BMPER: variants seen among roughly 807,000 people sequenced by gnomAD.
The protein encoded by BMPER is BMP-binding endothelial regulator protein.
In BMPER, 45 loss-of-function variants were observed where a neutral mutation model predicts 87.3. The observed-to-expected ratio is 0.52, with a 90% CI of 0.41 to 0.66. BMPER has a LOEUF of 0.66. Among genes scored for constraint, BMPER ranks in the 30% least tolerant of loss-of-function variants. BMPER has a pLI of 0.00. For missense variants in BMPER, 784 were observed against 867.5 expected, an observed-to-expected ratio of 0.90 and a Z score of 1.21; for synonymous variants, 326 against 316.2, an observed-to-expected ratio of 1.03 and a Z score of -0.33.
chr7:34,046,562 T>C (rs1460520994), intron 7 of BMPER, among the ~76,000 whole-genome samples, 157 bp downstream of exon 7: 1 of 152,188 alleles, frequency 6.6e-6, no homozygotes, highest in East Asian at 1.9e-4. Context: ...GTGGAAGGTG[T>C]GTACAGGGTT....
intron 12 of BMPER, among the ~76,000 whole-genome samples, chr7:34,081,924 TAAC>T (rs1237088309): frequency 6.6e-6 from 1 of 152,006 alleles, no homozygotes; most frequent in Admixed American, 6.6e-5. Context: ...AAAGCAACAA[TAAC>T]AACCAGGAAA....
intron 13 of BMPER, among the ~76,000 whole-genome samples, chr7:34,111,365 T>C (rs1201825668): frequency 6.6e-6 from 1 of 152,226 alleles, no homozygotes. Context: ...TACCTTTTCA[T>C]GAATATGGTT....
intron 2 of BMPER, among the ~76,000 whole-genome samples, chr7:33,930,525 A>G (rs896062400): frequency 6.6e-6 from 1 of 152,208 alleles, no homozygotes; most frequent in Non-Finnish European, 1.5e-5. Context: ...TGGAGCAGGT[A>G]TAAGCTTGCA....
intron 3 of BMPER, among the ~76,000 whole-genome samples, chr7:33,941,078 TATTTATATATA>T (rs1784750002): frequency 7.3e-6 from 1 of 136,570 alleles, no homozygotes; most frequent in Non-Finnish European, 1.5e-5. Context: ...ATAATTTATA[TATTTATATATA>T]ATTTATATGT....
chr7:34,051,806 A>G, intron 7 of BMPER, 55 bp from the exon 8 acceptor site: 1 of 1,448,854 alleles, frequency 6.9e-7, no homozygotes, highest in Non-Finnish European at 9.7e-7. Context: ...ACCGATGACA[A>G]AATGGGACAT....
intron 2 of BMPER, among the ~76,000 whole-genome samples, chr7:33,923,795 T>C (rs1001580145): frequency 1.3e-5 from 2 of 152,222 alleles, no homozygotes; most frequent in Non-Finnish European, 2.9e-5. Context: ...TTATAAGCAT[T>C]ATGTTTTATT....
At chr7:34,053,266 T>C (rs1057159238) in intron 8 of BMPER, among the ~76,000 whole-genome samples, 2 of 152,228 alleles carry the variant, frequency 1.3e-5, no homozygotes, top group East Asian at 1.9e-4. Flanking sequence ...GGATATTAAA[T>C]GCTTGAAAAA....
intron 2 of BMPER, among the ~76,000 whole-genome samples, chr7:33,926,096 G>A (rs949100527): frequency 6.6e-6 from 1 of 152,174 alleles, no homozygotes; most frequent in Non-Finnish European, 1.5e-5. Context: ...CTCTTGGATT[G>A]TAAGCTCTTC....
At chr7:34,074,690 G>C (rs973918617) in intron 11 of BMPER, among the ~76,000 whole-genome samples, 2 of 152,222 alleles carry the variant, frequency 1.3e-5, no homozygotes, top group Admixed American at 6.5e-5. Flanking sequence ...TAGTAGCAAA[G>C]TATGATGAGC....
At chr7:34,112,022 A>T (rs1789979289) in intron 13 of BMPER, among the ~76,000 whole-genome samples, 1 of 152,200 alleles carries the variant, frequency 6.6e-6, no homozygotes, top group Non-Finnish European at 1.5e-5. Flanking sequence ...GTTACAAAAG[A>T]ATGTACATGT....
chr7:34,043,704 A>G (rs920078550), intron 6 of BMPER, among the ~76,000 whole-genome samples: 5 of 152,170 alleles, frequency 3.3e-5, no homozygotes, highest in Non-Finnish European at 7.4e-5. Flanking sequence ...TCCCCAGGAT[A>G]TGATAGGCCT....
intron 6 of BMPER, among the ~76,000 whole-genome samples, chr7:34,033,161 A>G (rs995553138): frequency 3.9e-5 from 6 of 152,198 alleles, no homozygotes; most frequent in Non-Finnish European, 8.8e-5. Context: ...AGTTTCATTC[A>G]CAGAGTCCAT....
rs558124572 is a variant in BMPER at position 33,906,839 on chromosome 7, A to G, written c.155A>G (p.Asn52Ser). The G allele has an allele frequency of 3.1e-6, 5 of 1,613,936 alleles. No homozygotes were observed. The East Asian group carries it at 8.9e-5, about 29-fold the overall frequency. ...FLTGSVAKCE[N>S]EGEVLQIPFI... ...TCAGGTTCTGTTGCAAAATGTGAAA[A>G]TGAAGGTGAAGTCCTCCAGATTCCA... The change falls in exon 2 of 15, where the codon AAT (asparagine) becomes AGT (serine). Residue 52 changes from asparagine to serine, a missense_variant. Physicochemically the swap from Asn to Ser is conservative, Grantham distance 46 (BLOSUM62 1). Coordinates refer to ENST00000649409, the MANE Select transcript of BMPER (RefSeq NM_001365308.1).
At chr7:34,032,011 A>G (rs199860693) in intron 6 of BMPER, among the ~76,000 whole-genome samples, 77 of 122,564 alleles carry the variant, frequency 6.3e-4, no homozygotes, top group South Asian at 7.4e-4. Context: ...GTGTGTGTGT[A>G]TATATATATA....
intron 2 of BMPER, among the ~76,000 whole-genome samples, chr7:33,924,533 C>G (rs1236358127): frequency 6.6e-6 from 1 of 152,252 alleles, no homozygotes; most frequent in African/African-American, 2.4e-5. Context: ...GATACCCAAC[C>G]CCCTCTCCAC....
At chr7:34,148,965 A>G (rs1247134765) in intron 14 of BMPER, among the ~76,000 whole-genome samples, 1 of 152,190 alleles carries the variant, frequency 6.6e-6, no homozygotes, top group Admixed American at 6.5e-5. Flanking sequence ...TGAACTCAAG[A>G]TTGGCCAGAT....
In BMPER at chr7:34,046,289, T is replaced by C. The variant is rs999409715; in HGVS notation, c.577-17T>C. 1.9e-6 allele frequency: 3 copies of C among 1,608,998 alleles called. No individual in the cohort carries two copies. Among genetic ancestry groups the C allele is most frequent in the East Asian group, 2.2e-5 (1 of 44,824 alleles). ...CTTACTTTTCTAAATATGCTTTTTT[T>C]TTCTCTCTTTTCTTAGGGAGGCAGG... On this transcript the variant is annotated splice_polypyrimidine_tract_variant and intron_variant, in intron 6 of 14. Transcript: ENST00000649409.
chr7:33,926,731 A>T (rs1784371243), intron 2 of BMPER, among the ~76,000 whole-genome samples: 1 of 152,252 alleles, frequency 6.6e-6, no homozygotes, highest in African/African-American at 2.4e-5. Context: ...TGAGTCAGAC[A>T]AACCTTAGCT....
intron 13 of BMPER, among the ~76,000 whole-genome samples, chr7:34,133,379 G>GGGGTTCTGGAAGGTGGTGTGCCT (rs370936020): frequency 2.0e-5 from 3 of 152,116 alleles, no homozygotes; most frequent in Non-Finnish European, 2.9e-5. Context: ...TAAACACACA[G>GGGGTTCTGGAAGGTGGTGTGCCT]GGGTTCTGGA....
Sources: gnomAD v4.1 joint callset for allele counts (sites outside exome capture counted in the v4.1 genomes callset) on GRCh38, gnomAD v4.1.1 for gene constraint, MANE v1.5 for transcripts, NCBI Gene and HGNC (gene_info 2026-07-23, HGNC 2026-07-21) for gene names.